The following CEACAM20 variants were observed in gnomAD, a reference collection of about 807,000 sequenced individuals.
The protein encoded by CEACAM20 is CEA cell adhesion molecule 20, also known as cell adhesion molecule CEACAM20.
In CEACAM20, 50 loss-of-function variants were observed where a neutral mutation model predicts 61.2. The observed-to-expected ratio is 0.82, with a 90% CI of 0.65 to 1.03. The LOEUF is 1.03. CEACAM20 is among the 50% of genes least tolerant of loss of function. The pLI, the probability that CEACAM20 is intolerant of heterozygous loss-of-function variation, is 0.00. For synonymous variants in CEACAM20, 282 were observed against 287.7 expected (o/e 0.98, Z 0.20); for missense variants, 683 against 736.4 (o/e 0.93, Z 0.84).
intron 11 of CEACAM20, among the ~76,000 whole-genome samples, chr19:44,510,596 G>GA (rs1348333394): frequency 4.8e-5 from 3 of 62,816 alleles, no homozygotes; most frequent in African/African-American, 2.2e-4. Context: ...AAGAAAGAAA[G>GA]AAAGAAAGAA....
intron 5 of CEACAM20, among the ~76,000 whole-genome samples, chr19:44,518,467 T>C (rs1568453304): frequency 6.6e-6 from 1 of 151,996 alleles, no homozygotes; most frequent in Non-Finnish European, 1.5e-5. Flanking sequence ...GGCCTGGGGC[T>C]GAGGCTCATG....
Position 44,511,075 on chromosome 19 carries a change from G to C in CEACAM20, c.1692C>G (p.Leu564=). Residue 564 remains leucine, a synonymous_variant, in exon 11 of 12, where the codon CTC becomes CTG. Coordinates refer to ENST00000614924, the MANE Select transcript of CEACAM20 (RefSeq NM_001102597.3). The stretch of plus-strand genomic sequence containing the variant: ...TTTTTGGCACAGTGGAGACCAATCT[G>C]AGTGGGGGCATCAGAGGTTTGGGTG... ...KPPPKPLMPP[L]RLVSTVPKNM... 6.2e-7 allele frequency: 1 copy of C among 1,614,020 alleles called. No individual in the cohort carries two copies.
intron 11 of CEACAM20, among the ~76,000 whole-genome samples, chr19:44,508,680 G>A (rs907210338): frequency 5.9e-5 from 9 of 152,090 alleles, no homozygotes; most frequent in Admixed American, 3.3e-4. Context: ...GTGAGCCACC[G>A]CGCCTGGCCC....
intron 5 of CEACAM20, among the ~76,000 whole-genome samples, chr19:44,517,801 G>A (rs1260597108): frequency 1.3e-5 from 2 of 151,980 alleles, no homozygotes; most frequent in Non-Finnish European, 2.9e-5. Context: ...AAGCGCAGTG[G>A]CTCACACCTG....
intron 6 of CEACAM20, 40 bp downstream of exon 6, chr19:44,516,906 C>T: frequency 2.6e-6 from 4 of 1,562,698 alleles, no homozygotes; most frequent in Non-Finnish European, 3.5e-6. Context: ...TCAGGAAAGG[C>T]CCCTCGGGTC....
At chr19:44,524,989 C>A in intron 2 of CEACAM20, 112 bp downstream of exon 2, 1 of 1,365,114 alleles carries the variant, frequency 7.3e-7, no homozygotes, top group South Asian at 1.3e-5. Context: ...TGTTGCTGGA[C>A]CCTGGCTGAG....
chr19:44,508,395 T>C (rs1970878049), intron 11 of CEACAM20, among the ~76,000 whole-genome samples: 1 of 152,190 alleles, frequency 6.6e-6, no homozygotes, highest in Admixed American at 6.6e-5. Flanking sequence ...TTCTTTTTTA[T>C]TTTTTTCTTT....
At chr19:44,517,850 G>A (rs1245382658) in intron 5 of CEACAM20, among the ~76,000 whole-genome samples, 2 of 151,888 alleles carry the variant, frequency 1.3e-5, no homozygotes, top group African/African-American at 4.8e-5. Flanking sequence ...AGGTGGATGT[G>A]AGTGGAACTC....
At chr19:44,518,161 AGGAAGGAAG>A (rs1971244342) in intron 5 of CEACAM20, among the ~76,000 whole-genome samples, 2 of 59,146 alleles carry the variant, frequency 3.4e-5, no homozygotes, top group Non-Finnish European at 6.6e-5. Context: ...GAAGGAAGGA[AGGAAGGAAG>A]AAAGCAGGCA....
At chr19:44,510,563 A>C (rs867913722) in intron 11 of CEACAM20, among the ~76,000 whole-genome samples, 6 of 38,662 alleles carry the variant, frequency 1.6e-4, no homozygotes, top group Non-Finnish European at 1.4e-4. Context: ...AAAGAAAGAA[A>C]GAAAGAAAGA....
intron 6 of CEACAM20, among the ~76,000 whole-genome samples, chr19:44,514,320 G>T (rs556273140): frequency 7.2e-5 from 11 of 152,276 alleles, no homozygotes; most frequent in African/African-American, 2.4e-4. Context: ...TCTCAAAAGG[G>T]TGGAATCGAG....
At chr19:44,517,752 GTTT>G (rs1254935339) in intron 5 of CEACAM20, among the ~76,000 whole-genome samples, 2 of 151,292 alleles carry the variant, frequency 1.3e-5, no homozygotes, top group Admixed American at 1.3e-4. Context: ...TCAAAGAAGT[GTTT>G]TAGGTCACCC....
intron 11 of CEACAM20, among the ~76,000 whole-genome samples, chr19:44,510,610 A>G (rs866278649): frequency 8.5e-5 from 5 of 58,950 alleles, no homozygotes; most frequent in African/African-American, 2.6e-4. Context: ...GAAAGAAAGA[A>G]AAAGGAAGGA....
chr19:44,525,021 G>T, intron 2 of CEACAM20, 80 bp downstream of exon 2: 2 of 1,557,634 alleles, frequency 1.3e-6, no homozygotes, highest in South Asian at 2.4e-5. Flanking sequence ...CGTCCTCTGG[G>T]GACTTTGGGC....
chr19:44,525,272 G>A, intron 1 of CEACAM20, 28 bp from the exon 2 acceptor site: 5 of 1,552,126 alleles, frequency 3.2e-6, no homozygotes, highest in Non-Finnish European at 4.3e-6. Context: ...AGGCATTCAG[G>A]GAGGGAGAGG....
At chr19:44,528,788 T>C (rs964372088) in intron 1 of CEACAM20, among the ~76,000 whole-genome samples, 6 of 149,204 alleles carry the variant, frequency 4.0e-5, no homozygotes, top group South Asian at 2.1e-4. Context: ...TGTCTCTCTG[T>C]GTCTGTTTCT....
At position 44,509,561 on chromosome 19, in the gene CEACAM20, T is replaced by A. The variant is rs560719802; in HGVS notation, c.1737+1469A>T. ...TAAATGGAAAGCTTGAAAAGGAAAGTAATAAAGACAAGGGAATGAAGTGCC... is the reference window on the plus strand; with the variant it reads ...TAAATGGAAAGCTTGAAAAGGAAAGAAATAAAGACAAGGGAATGAAGTGCC... On this transcript the variant is annotated intron_variant, in intron 11 of 11. Transcript: ENST00000614924. Among the ~76,000 whole-genome samples the A allele has an allele frequency of 6.0e-5, 9 of 151,234 alleles. No individual in the cohort carries two copies. In the East Asian group the frequency reaches 1.6e-3, roughly 26 times the overall value.
At chr19:44,506,800 G>C (rs114534728) in intron 11 of CEACAM20, among the ~76,000 whole-genome samples, 2,906 of 152,286 alleles carry the variant, frequency 0.019, 113 homozygotes, top group African/African-American at 0.066. Context: ...GCTTTGACTG[G>C]CACCTTGATT....
Position 44,522,541 on chromosome 19 carries a change from AG to A in CEACAM20, c.751+92del, listed in dbSNP as rs1355864860. The A allele has an allele frequency of 3.0e-6, 4 of 1,354,422 alleles. No homozygotes were observed. In the African/African-American group the frequency reaches 5.8e-5, roughly 20 times the overall value. The allele number at this position is 1,354,422 out of a possible 1,614,324, so 83.9% of individuals were successfully genotyped here. A position where few individuals can be genotyped will look rare whatever the true frequency, so the allele number is the denominator to read the frequency against. On this transcript the variant is annotated intron_variant, in intron 4 of 11. Transcript: ENST00000614924. ...GATTTCTCCCTCACACAGTATCCAAAGGCCCTGGATTAAGAACTCCTGGTTC... is the reference window on the plus strand; with the variant it reads ...GATTTCTCCCTCACACAGTATCCAAAGCCCTGGATTAAGAACTCCTGGTTC...
Sources: allele counts gnomAD v4.1 joint callset (sites outside exome capture counted in the v4.1 genomes callset), GRCh38; gene constraint gnomAD v4.1.1; transcripts MANE v1.5; gene names NCBI Gene and HGNC (gene_info 2026-07-23, HGNC 2026-07-21).